Variants in HSP90AB1 observed in about 807,000 individuals in gnomAD.
HSP90AB1 encodes heat shock protein HSP 90-beta.
Under a neutral mutation model 67.8 loss-of-function variants are expected in HSP90AB1, and 17 were observed. The ratio of observed to expected loss-of-function variants is 0.25; its 90% CI spans 0.17 to 0.38. The LOEUF is 0.38. Among genes scored for constraint, HSP90AB1 ranks in the 10% least tolerant of loss-of-function variants. The pLI is 1.00. For synonymous variants in HSP90AB1, 390 were observed against 312.9 expected (o/e 1.25, Z -2.60); for missense variants, 690 against 899.9 (o/e 0.77, Z 2.98).
At position 44,250,554 on chromosome 6, in the gene HSP90AB1, C is replaced by G; in HGVS notation, c.912C>G (p.Phe304Leu). Residue 304 changes from phenylalanine to leucine, a missense_variant, in exon 6 of 12, where the codon TTC (phenylalanine) becomes TTG (leucine). Transcript: ENST00000371646. ...TCACCCAAGAGGAGTATGGAGAATT[C>G]TACAAGAGCCTCACTAATGACTGGG... ...DDITQEEYGE[F>L]YKSLTNDWED... 1 of 1,613,464 alleles carries G rather than the reference C, an allele frequency of 6.2e-7. No homozygotes were observed. The highest frequency in any genetic ancestry group is 8.5e-7 in the Non-Finnish European group (1 of 1,179,602).
At chr6:44,252,789 G>T (rs907334669) in intron 10 of HSP90AB1, among the ~76,000 whole-genome samples, 1 of 150,842 alleles carries the variant, frequency 6.6e-6, no homozygotes, top group Admixed American at 6.6e-5. Flanking sequence ...AAGCCACCAT[G>T]CCTGGCCGAT....
At position 44,252,357 on chromosome 6, in the gene HSP90AB1, G is replaced by A. The variant is rs527357874; in HGVS notation, c.1731+90G>A. 8 of 1,218,892 alleles carry A rather than the reference G, an allele frequency of 6.6e-6. No homozygotes were observed. In the African/African-American group the frequency reaches 9.0e-5, roughly 14 times the overall value. 75.5% of individuals were successfully genotyped at this position (1,218,892 alleles called of 1,614,324 possible). ...GTTTCTATACAATTAGTGGTTTGAGGCAGCCTATTTACTGTTTCATGCCTT... is the reference window on the plus strand; with the variant it reads ...GTTTCTATACAATTAGTGGTTTGAGACAGCCTATTTACTGTTTCATGCCTT... On this transcript the variant is annotated intron_variant, in intron 10 of 11. Transcript: ENST00000371646.
rs759304255 is a variant in HSP90AB1, at chr6:44,250,065, G to A, written c.559G>A (p.Glu187Lys). 1.2e-6 allele frequency: 2 copies of A among 1,614,074 alleles called. No individual in the cohort carries two copies. The highest frequency in any genetic ancestry group is 2.2e-5 in the East Asian group (1 of 44,898). The stretch of plus-strand genomic sequence containing the variant: ...TACCAAAGTGATCCTCCATCTTAAA[G>A]AAGATCAGACAGAGTACCTAGAAGA... ...RGTKVILHLK[E>K]DQTEYLEERR... Residue 187 changes from glutamate (E) to lysine (K), a missense_variant, in exon 5 of 12, where the codon GAA becomes AAA. Coordinates refer to ENST00000371646, the MANE Select transcript of HSP90AB1 (RefSeq NM_007355.4).
In HSP90AB1 at chr6:44,253,059, T is replaced by C. The variant is rs761773509; in HGVS notation, c.1746T>C (p.Asn582=). Residue 582 remains asparagine, a synonymous_variant, in exon 11 of 12, where the codon AAT becomes AAC. Transcript: ENST00000371646. ...DKKVEKVTIS[N]RLVSSPCCIV... is the part of the protein sequence containing the mutation. Reference sequence around the variant, plus strand: ...ATCGTCCACAGGTGACAATCTCCAATAGACTTGTGTCTTCACCTTGCTGCA... The same window carrying C: ...ATCGTCCACAGGTGACAATCTCCAACAGACTTGTGTCTTCACCTTGCTGCA... The C allele has an allele frequency of 2.5e-6, 4 of 1,613,688 alleles. No homozygotes were observed. Among genetic ancestry groups the C allele is most frequent in the African/African-American group, 1.3e-5 (1 of 74,922 alleles).
chr6:44,252,697 C>T (rs865917321), intron 10 of HSP90AB1, among the ~76,000 whole-genome samples: 3 of 152,112 alleles, frequency 2.0e-5, no homozygotes, highest in Non-Finnish European at 2.9e-5. Flanking sequence ...GGGGTTTCAT[C>T]GCGTTAGCCA....
upstream of HSP90AB1, among the ~76,000 whole-genome samples, chr6:44,246,854 C>T (rs1356813779): frequency 3.3e-5 from 5 of 152,186 alleles, no homozygotes. Flanking sequence ...ACTCCTCATC[C>T]CCGCTCTTGA....
chr6:44,248,819 G>A (rs770661318), intron 2 of HSP90AB1, 43 bp downstream of exon 2: 4 of 1,446,190 alleles, frequency 2.8e-6, no homozygotes, highest in African/African-American at 1.5e-5. Context: ...TTTTTTTTTT[G>A]ATACTCTAGA....
At chr6:44,252,390 C>T (rs939141693) in intron 10 of HSP90AB1, 123 bp downstream of exon 10, 33 of 855,356 alleles carry the variant, frequency 3.9e-5, no homozygotes, top group Non-Finnish European at 5.5e-5. Flanking sequence ...CTTCTTGCCT[C>T]TTGTTCTCTT....
chr6:44,250,655 A>AGGT, intron 6 of HSP90AB1, 56 bp downstream of exon 6: 1 of 929,180 alleles, frequency 1.1e-6, no homozygotes, highest in South Asian at 1.5e-5. Flanking sequence ...GGAATGAGTT[A>AGGT]GGTGGAAGAG....
At chr6:44,248,283 C>G (rs142407001) in intron 1 of HSP90AB1, among the ~76,000 whole-genome samples, 74 of 152,188 alleles carry the variant, frequency 4.9e-4, no homozygotes, top group African/African-American at 1.8e-3. Context: ...GTAAGGATTA[C>G]TTGGGATCTC....
chr6:44,250,251 GT>G, intron 5 of HSP90AB1, 39 bp from the exon 6 acceptor site: 6 of 1,611,142 alleles, frequency 3.7e-6, no homozygotes, highest in Non-Finnish European at 5.1e-6. Context: ...CCCTGGTAGT[GT>G]TTTGTACTCC....
In HSP90AB1 at chr6:44,253,553, T is replaced by C. The variant is rs1251461432; in HGVS notation, c.2130T>C (p.Pro710=). 3.7e-6 allele frequency: 6 copies of C among 1,614,122 alleles called. No individual in the cohort carries two copies. Among genetic ancestry groups the C allele is most frequent in the South Asian group, 1.1e-5 (1 of 91,082 alleles). ...PNAAVPDEIP[P]LEGDEDASRM... ...CTGCAGTTCCTGATGAGATCCCCCC[T>C]CTCGAGGGCGATGAGGATGCGTCTC... The change falls in exon 12 of 12, where the codon CCT becomes CCC. Residue 710 remains proline (P), a synonymous_variant. Transcript: ENST00000371646.
At position 44,248,550 on chromosome 6, in the gene HSP90AB1, C is replaced by G. The variant is rs960002027; in HGVS notation, c.1-80C>G. Reference sequence around the variant, plus strand: ...CAGTCTGAACTCACTGTCTAAGGTCCTAACAAATGATATGACCTTTAGGAT... The same window carrying G: ...CAGTCTGAACTCACTGTCTAAGGTCGTAACAAATGATATGACCTTTAGGAT... On this transcript the variant is annotated intron_variant, in intron 1 of 11. Transcript: ENST00000371646. 86 of 1,353,058 alleles carry G rather than the reference C, an allele frequency of 6.4e-5. 1 individual carries two copies. Among genetic ancestry groups the G allele is most frequent in the Non-Finnish European group, 8.4e-5 (82 of 975,564 alleles). 83.8% of individuals were successfully genotyped at this position (1,353,058 alleles called of 1,614,324 possible). A position where few individuals can be genotyped will look rare whatever the true frequency, so the allele number is the denominator to read the frequency against.
Position 44,253,272 on chromosome 6 carries a change from C to T in HSP90AB1, c.1959C>T (p.Asp653=). Residue 653 remains aspartate, a synonymous_variant, in exon 11 of 12, where the codon GAC becomes GAT. Coordinates refer to ENST00000371646, the MANE Select transcript of HSP90AB1 (RefSeq NM_007355.4). The part of the protein sequence containing the change: ...EADKNDKAVK[D]LVVLLFETAL... ...ACAAGAATGATAAGGCAGTTAAGGA[C>T]CTGGTGGTGCTGCTGTTTGAAACCG... 1 of 1,614,196 alleles carries T rather than the reference C, an allele frequency of 6.2e-7. No individual in the cohort carries two copies. Among genetic ancestry groups the T allele is most frequent in the Non-Finnish European group, 8.5e-7 (1 of 1,180,030 alleles).
In HSP90AB1 at chr6:44,251,476, G is replaced by A. The variant is rs542319721; in HGVS notation, c.1182G>A (p.Met394Ile). The A allele has an allele frequency of 1.9e-6, 3 of 1,611,130 alleles. No individual in the cohort carries two copies. The South Asian group carries it at 3.3e-5, about 18-fold the overall frequency. ...EDLPLNISRE[M>I]LQQSKILKVI... ...TGCCCCTGAACATCTCCCGAGAAATGCTCCAGCAGAGCAAAATCTTGAAAG... is the reference window on the plus strand; with the variant it reads ...TGCCCCTGAACATCTCCCGAGAAATACTCCAGCAGAGCAAAATCTTGAAAG... The change falls in exon 8 of 12, where the codon ATG becomes ATA. Residue 394 changes from methionine (M) to isoleucine (I), a missense_variant. Physicochemically the swap from Met to Ile is conservative, Grantham distance 10. Coordinates refer to ENST00000371646, the MANE Select transcript of HSP90AB1 (RefSeq NM_007355.4).
Position 44,249,511 on chromosome 6 carries a change from C to G in HSP90AB1, c.282C>G (p.Thr94=), listed in dbSNP as rs766669218. 6.2e-7 allele frequency: 1 copy of G among 1,614,134 alleles called. No homozygotes were observed. The highest frequency in any genetic ancestry group is 8.5e-7 in the Non-Finnish European group (1 of 1,179,978). The stretch of plus-strand genomic sequence containing the variant: ...TGGTAGACACAGGCATTGGCATGAC[C>G]AAAGCTGATCTCATAAATAATTTGG... The part of the protein sequence containing the change: ...LTLVDTGIGM[T]KADLINNLGT... Residue 94 remains threonine, a synonymous_variant, in exon 3 of 12, where the codon ACC becomes ACG. Coordinates refer to ENST00000371646, the MANE Select transcript of HSP90AB1 (RefSeq NM_007355.4).
At position 44,251,846 on chromosome 6, in the gene HSP90AB1, G is replaced by A. The variant is rs369121772; in HGVS notation, c.1424G>A (p.Arg475His). The A allele has an allele frequency of 1.1e-4, 184 of 1,612,820 alleles. No individual in the cohort carries two copies. Among genetic ancestry groups the A allele is most frequent in the Non-Finnish European group, 1.4e-4 (170 of 1,180,018 alleles). Residue 475 changes from arginine to histidine, a missense_variant, in exon 9 of 12, where the codon CGC becomes CAC. This residue lies in a region of HSP90AB1 where 206 missense variants were observed against 221.4 expected (regional missense o/e 0.93). Transcript: ENST00000371646. The part of the protein sequence containing the change: ...EMTSLSEYVS[R>H]MKETQKSIYY... The stretch of plus-strand genomic sequence containing the variant: ...ACATCTCTGTCAGAGTATGTTTCTC[G>A]CATGAAGGAGACACAGAAGTCCATC...
chr6:44,250,121 T>A lies in HSP90AB1; in HGVS notation c.615T>A (p.His205Gln). 2 of 1,614,072 alleles carry A rather than the reference T, an allele frequency of 1.2e-6. No individual in the cohort carries two copies. The highest frequency in any genetic ancestry group is 1.7e-6 in the Non-Finnish European group (2 of 1,180,022). The change falls in exon 5 of 12, where the codon CAT (histidine) becomes CAA (glutamine). Residue 205 changes from histidine (H) to glutamine (Q), a missense_variant. Around this residue, in one of 7 missense-constraint regions of HSP90AB1, gnomAD observed 146 missense variants for 143.7 expected, o/e 1.02. Coordinates refer to ENST00000371646, the MANE Select transcript of HSP90AB1 (RefSeq NM_007355.4). ...ERRVKEVVKKHSQFIGYPITL... is the reference protein window; with the variant it reads ...ERRVKEVVKKQSQFIGYPITL... ...GGGTCAAAGAAGTAGTGAAGAAGCA[T>A]TCTCAGTTCATAGGCTATCCCATCA...
At position 44,253,293 on chromosome 6, in the gene HSP90AB1, A is replaced by G. The variant is rs1582991021; in HGVS notation, c.1980A>G (p.Glu660=). The G allele has an allele frequency of 1.9e-6, 3 of 1,614,156 alleles. No individual in the cohort carries two copies. The highest frequency in any genetic ancestry group is 1.1e-5 in the South Asian group (1 of 91,078). ...AVKDLVVLLF[E]TALLSSGFSL... is the part of the protein sequence containing the mutation. ...AGGACCTGGTGGTGCTGCTGTTTGA[A>G]ACCGCCCTGCTATCTTCTGGCTTTT... is the stretch of plus-strand genomic sequence containing the variant. The change falls in exon 11 of 12, where the codon GAA becomes GAG. Residue 660 remains glutamate (E), a synonymous_variant. Transcript: ENST00000371646.
Sources: gnomAD v4.1 joint callset for allele counts (sites outside exome capture counted in the v4.1 genomes callset) on GRCh38, gnomAD v4.1.1 for gene constraint, gnomAD v4.1.1 regional missense constraint, MANE v1.5 for transcripts, NCBI Gene and HGNC (gene_info 2026-07-23, HGNC 2026-07-21) for gene names.